Variants in TXNDC16 observed in about 807,000 individuals in gnomAD.
TXNDC16 encodes the protein thioredoxin domain containing 16.
A neutral mutation model predicts 85.6 loss-of-function variants in TXNDC16; 74 were observed. The ratio of observed to expected loss-of-function variants is 0.86; its 90% CI spans 0.72 to 1.05. The LOEUF is 1.05. Among genes scored for constraint, TXNDC16 ranks in the 50% least tolerant of loss-of-function variants. The pLI, the probability that TXNDC16 is intolerant of heterozygous loss-of-function variation, is 0.00. For missense variants in TXNDC16, 959 were observed against 947.0 expected (o/e 1.01, Z -0.17); for synonymous variants, 335 against 326.5 (o/e 1.03, Z -0.28).
chr14:52,485,635 G>A (rs2036251137), intron 12 of TXNDC16, among the ~76,000 whole-genome samples: 1 of 152,020 alleles, frequency 6.6e-6, no homozygotes, highest in African/African-American at 2.4e-5. Context: ...CCTCTTCTGT[G>A]TTTACACGTT....
intron 18 of TXNDC16, among the ~76,000 whole-genome samples, chr14:52,442,003 G>A (rs1217922960): frequency 6.6e-6 from 1 of 152,038 alleles, no homozygotes; most frequent in Non-Finnish European, 1.5e-5. Context: ...AATTGTCACA[G>A]TAATAAAACT....
chr14:52,471,752 C>T (rs1038562668), intron 14 of TXNDC16, among the ~76,000 whole-genome samples: 1 of 151,756 alleles, frequency 6.6e-6, no homozygotes, highest in Non-Finnish European at 1.5e-5. Flanking sequence ...CCTATCCTGT[C>T]TAAACATTAT....
intron 1 of TXNDC16, among the ~76,000 whole-genome samples, chr14:52,549,399 T>C (rs1318043773): frequency 1.3e-5 from 2 of 152,160 alleles, no homozygotes; most frequent in Admixed American, 6.5e-5. Flanking sequence ...GCACATAAAA[T>C]GTTAAAGGCG....
At chr14:52,451,084 A>G (rs1041502516) in intron 18 of TXNDC16, among the ~76,000 whole-genome samples, 1 of 151,952 alleles carries the variant, frequency 6.6e-6, no homozygotes, top group East Asian at 1.9e-4. Flanking sequence ...ACACAAAAGC[A>G]TAAGAATGAA....
intron 7 of TXNDC16, 86 bp from the exon 8 acceptor site, chr14:52,515,056 C>T: frequency 1.0e-6 from 1 of 953,876 alleles, no homozygotes; most frequent in South Asian, 1.7e-5. Flanking sequence ...TATTATCCTA[C>T]ACTCCTTTAT....
intron 2 of TXNDC16, 103 bp from the exon 3 acceptor site, chr14:52,543,733 AT>A: frequency 3.0e-6 from 2 of 666,072 alleles, no homozygotes; most frequent in Non-Finnish European, 2.5e-6. Flanking sequence ...ACATCATTTG[AT>A]TTTGCTAGTA....
intron 6 of TXNDC16, among the ~76,000 whole-genome samples, chr14:52,530,379 T>TA: frequency 4.3e-5 from 1 of 23,422 alleles, no homozygotes; most frequent in African/African-American, 2.3e-4. Context: ...TATATAATAT[T>TA]ATATATAATA....
At chr14:52,489,838 T>C (rs1312586600) in intron 11 of TXNDC16, among the ~76,000 whole-genome samples, 1 of 152,162 alleles carries the variant, frequency 6.6e-6, no homozygotes, top group African/African-American at 2.4e-5. Context: ...TTCTGTTTTA[T>C]CTTGTTTATT....
intron 18 of TXNDC16, among the ~76,000 whole-genome samples, chr14:52,450,703 A>AT (rs2035387024): frequency 6.6e-6 from 1 of 152,044 alleles, no homozygotes; most frequent in Non-Finnish European, 1.5e-5. Context: ...ACAGTTGGAG[A>AT]TTCCTTAAAG....
intron 7 of TXNDC16, among the ~76,000 whole-genome samples, chr14:52,516,308 C>T (rs1265847047): frequency 6.6e-6 from 1 of 152,190 alleles, no homozygotes; most frequent in Non-Finnish European, 1.5e-5. Flanking sequence ...TCCTGCACAT[C>T]TGAAAGCATC....
chr14:52,519,985 C>A (rs1343213890), intron 6 of TXNDC16, among the ~76,000 whole-genome samples: 10 of 152,112 alleles, frequency 6.6e-5, no homozygotes, highest in Admixed American at 6.5e-4. Context: ...AACCCTCATG[C>A]CCTTGAGGCA....
intron 6 of TXNDC16, among the ~76,000 whole-genome samples, chr14:52,523,699 A>C (rs974969326): frequency 2.6e-5 from 4 of 152,314 alleles, no homozygotes; most frequent in African/African-American, 9.6e-5. Context: ...AAGTTCACAA[A>C]TATCATTCTT....
intron 16 of TXNDC16, among the ~76,000 whole-genome samples, chr14:52,465,053 C>T (rs1391575521): frequency 4.6e-5 from 7 of 152,184 alleles, no homozygotes; most frequent in African/African-American, 9.6e-5. Flanking sequence ...AAGTTCCTTT[C>T]GTTTTTACTT....
chr14:52,526,919 G>C (rs549812919), intron 6 of TXNDC16, among the ~76,000 whole-genome samples: 4 of 152,326 alleles, frequency 2.6e-5, no homozygotes, highest in African/African-American at 9.6e-5. Context: ...AAGGGAGAGG[G>C]CTTGAAGAGC....
At chr14:52,529,629 TATATA>T (rs1281386194) in intron 6 of TXNDC16, among the ~76,000 whole-genome samples, 38 of 103,558 alleles carry the variant, frequency 3.7e-4, no homozygotes, top group Admixed American at 3.4e-3. Flanking sequence ...ATATATATTA[TATATA>T]ATGCCTATTA....
At chr14:52,488,561 T>C in intron 11 of TXNDC16, 75 bp from the exon 12 acceptor site, 1 of 1,271,528 alleles carries the variant, frequency 7.9e-7, no homozygotes, top group Admixed American at 2.2e-5. Flanking sequence ...TTGGGCCAGG[T>C]GTGGTGGCTC....
chr14:52,463,215 T>C, intron 16 of TXNDC16, among the ~76,000 whole-genome samples: 2 of 149,910 alleles, frequency 1.3e-5, no homozygotes, highest in African/African-American at 2.5e-5. Flanking sequence ...AAAAATCTGC[T>C]CAAACAAACT....
At chr14:52,479,896 G>T (rs2140141670) in intron 14 of TXNDC16, among the ~76,000 whole-genome samples, 1 of 152,174 alleles carries the variant, frequency 6.6e-6, no homozygotes. Context: ...ACATCTGGAG[G>T]CATCACATTA....
intron 6 of TXNDC16, among the ~76,000 whole-genome samples, chr14:52,527,187 T>C (rs191867752): frequency 6.6e-6 from 1 of 152,228 alleles, no homozygotes; most frequent in Non-Finnish European, 1.5e-5. Context: ...CCCCAATTTA[T>C]AGCTGTTCAG....
Sources: gnomAD v4.1 joint callset for allele counts (sites outside exome capture counted in the v4.1 genomes callset) on GRCh38, gnomAD v4.1.1 for gene constraint, MANE v1.5 for transcripts, NCBI Gene and HGNC (gene_info 2026-07-23, HGNC 2026-07-21) for gene names.